MGAT4C: variants seen among roughly 807,000 people sequenced by gnomAD.
MGAT4C encodes the protein MGAT4 family member C, also known as alpha-1,3-mannosyl-glycoprotein 4-beta-N-acetylglucosaminyltransferase C.
MGAT4C carries 19 observed loss-of-function variants against 40.1 expected under a neutral mutation model. That is an observed-to-expected ratio of 0.47 (90% CI 0.33 to 0.70). MGAT4C has a LOEUF of 0.70. Ranked by LOEUF, MGAT4C falls within the 30% of genes least tolerant of loss-of-function variation. The pLI, the probability that MGAT4C is intolerant of heterozygous loss-of-function variation, is 0.02. For missense variants in MGAT4C, 491 were observed against 563.2 expected (o/e 0.87, Z 1.30); for synonymous variants, 181 against 187.1 (o/e 0.97, Z 0.27).
intron 1 of MGAT4C, among the ~76,000 whole-genome samples, chr12:86,178,994 C>T (rs1431325683): frequency 1.3e-5 from 2 of 152,184 alleles, no homozygotes; most frequent in Admixed American, 6.5e-5. Flanking sequence ...ATACTATTCA[C>T]ATTTTCAGAT....
intron 2 of MGAT4C, among the ~76,000 whole-genome samples, chr12:86,625,064 A>G (rs1962759627): frequency 6.6e-6 from 1 of 151,884 alleles, no homozygotes. Flanking sequence ...AGCTAATTAT[A>G]AAGGGCTCTT....
chr12:86,138,292 T>C (rs887900443), intron 1 of MGAT4C, among the ~76,000 whole-genome samples: 2 of 151,418 alleles, frequency 1.3e-5, no homozygotes, highest in Admixed American at 6.6e-5. Context: ...CCCATACCTA[T>C]GACTAATGTT....
At chr12:86,191,690 C>A (rs141188551) in intron 1 of MGAT4C, among the ~76,000 whole-genome samples, 26 of 137,712 alleles carry the variant, frequency 1.9e-4, no homozygotes, top group South Asian at 1.8e-3. Context: ...TCTCCTGTAG[C>A]AAAATTCAGC....
In MGAT4C at chr12:86,527,117, T is replaced by C. The variant is rs545157188; in HGVS notation, c.-228-91852A>G. ...CATCTGGGTCCTTTGGTGGCAGCTG[T>C]TTCACCTGGCTGGATCTAGTGGCAC... is the stretch of plus-strand genomic sequence containing the variant. On this transcript the variant is annotated intron_variant, in intron 2 of 7. Coordinates refer to the MGAT4C transcript ENST00000548651. Among the ~76,000 whole-genome samples the C allele has an allele frequency of 2.6e-5, 4 of 152,326 alleles. No individual in the cohort carries two copies. In the East Asian group the frequency reaches 7.7e-4, roughly 29 times the overall value.
At chr12:86,464,194 G>A (rs1421731060) in intron 2 of MGAT4C, among the ~76,000 whole-genome samples, 1 of 152,076 alleles carries the variant, frequency 6.6e-6, no homozygotes, top group African/African-American at 2.4e-5. Flanking sequence ...AAAGTTTACT[G>A]GGTAATTTGG....
At chr12:86,770,581 G>A (rs1951615058) in intron 1 of MGAT4C, among the ~76,000 whole-genome samples, 1 of 151,982 alleles carries the variant, frequency 6.6e-6, no homozygotes, top group South Asian at 2.1e-4. Context: ...AAAAATAATT[G>A]TTGGCTGTGT....
At position 86,493,028 on chromosome 12, in the gene MGAT4C, C is replaced by CA. The variant is rs959651990; in HGVS notation, c.-228-57764dup. ...TCTCAAAAGAAGACATTTATGCAGC[C>CA]AAAAAACACATGAAAAAATGCTCAC... On this transcript the variant is annotated intron_variant, in intron 2 of 7. Coordinates refer to the MGAT4C transcript ENST00000548651. Among the ~76,000 whole-genome samples, 49 of 150,826 alleles carry CA rather than the reference C, an allele frequency of 3.2e-4. 1 individual carries two copies. The highest frequency in any genetic ancestry group is 1.2e-3 in the African/African-American group (48 of 40,364).
At chr12:86,802,223 T>A (rs1463770352) in intron 1 of MGAT4C, among the ~76,000 whole-genome samples, 1 of 151,952 alleles carries the variant, frequency 6.6e-6, no homozygotes, top group Admixed American at 6.6e-5. Flanking sequence ...TTTTTGTCAG[T>A]ACCTGGGTTA....
chr12:86,183,719 C>T (rs1216866442), intron 1 of MGAT4C, among the ~76,000 whole-genome samples: 2 of 152,168 alleles, frequency 1.3e-5, no homozygotes, highest in South Asian at 2.1e-4. Context: ...GGCCTTCTGA[C>T]TTACATACTG....
intron 1 of MGAT4C, among the ~76,000 whole-genome samples, chr12:86,144,649 T>C (rs1664649310): frequency 6.6e-6 from 1 of 152,208 alleles, no homozygotes; most frequent in Non-Finnish European, 1.5e-5. Flanking sequence ...ACAACTGTAA[T>C]GTGTAACATA....
intron 2 of MGAT4C, among the ~76,000 whole-genome samples, chr12:86,041,248 T>C (rs1012640633): frequency 5.9e-5 from 9 of 152,116 alleles, no homozygotes; most frequent in Non-Finnish European, 1.3e-4. Context: ...TTGTCCATCT[T>C]ATTTATTCTC....
intron 1 of MGAT4C, among the ~76,000 whole-genome samples, chr12:86,206,647 C>CCT (rs1298497050): frequency 6.6e-6 from 1 of 151,880 alleles, no homozygotes; most frequent in Non-Finnish European, 1.5e-5. Flanking sequence ...GCTCTCTCAC[C>CCT]CTCTCTCTCA....
intron 1 of MGAT4C, among the ~76,000 whole-genome samples, chr12:86,792,645 G>T (rs992901493): frequency 6.6e-6 from 1 of 152,072 alleles, no homozygotes; most frequent in Non-Finnish European, 1.5e-5. Flanking sequence ...TTAAAACCTG[G>T]TTGTGGCCGG....
intron 1 of MGAT4C, among the ~76,000 whole-genome samples, chr12:86,738,152 C>T (rs1951013849): frequency 6.6e-6 from 1 of 151,434 alleles, no homozygotes; most frequent in Admixed American, 6.6e-5. Context: ...ATTGCCTACT[C>T]CGCCTTTATA....
intron 2 of MGAT4C, among the ~76,000 whole-genome samples, chr12:86,579,142 A>G (rs1960677047): frequency 6.6e-6 from 1 of 151,570 alleles, no homozygotes; most frequent in African/African-American, 2.4e-5. Context: ...CGGAGAGTCT[A>G]TTTACATTCA....
intron 4 of MGAT4C, among the ~76,000 whole-genome samples, chr12:86,309,511 G>A (rs1468114023): frequency 6.6e-6 from 1 of 152,008 alleles, no homozygotes; most frequent in Admixed American, 6.6e-5. Context: ...CTTTAATCAG[G>A]AAGCCACTCC....
At position 86,795,164 on chromosome 12, in the gene MGAT4C, A is replaced by C. The variant is rs373470283; in HGVS notation, c.-262+43502T>G. Among the ~76,000 whole-genome samples the C allele has an allele frequency of 2.6e-4, 40 of 152,046 alleles. 1 individual carries two copies. The East Asian group carries it at 6.7e-3, about 26-fold the overall frequency. ...TGTTTTCCTTTATTACTAAAGACAA[A>C]ATTATTTTCTACTAGAAACTCTGCA... On this transcript the variant is annotated intron_variant, in intron 1 of 7. Transcript: ENST00000548651.
intron 1 of MGAT4C, among the ~76,000 whole-genome samples, chr12:86,112,399 T>C (rs1310840133): frequency 2.6e-5 from 4 of 151,600 alleles, no homozygotes; most frequent in South Asian, 4.1e-4. Context: ...ACAGAGACAG[T>C]TGGAAAATGC....
chr12:86,155,035 A>G (rs1393008788), intron 1 of MGAT4C, among the ~76,000 whole-genome samples: 1 of 152,074 alleles, frequency 6.6e-6, no homozygotes, highest in East Asian at 1.9e-4. Flanking sequence ...TTAAGTGGTC[A>G]GGGATGGCCT....
Sources: gnomAD v4.1 joint callset for allele counts (sites outside exome capture counted in the v4.1 genomes callset) on GRCh38, gnomAD v4.1.1 for gene constraint, MANE v1.5 for transcripts, NCBI Gene and HGNC (gene_info 2026-07-23, HGNC 2026-07-21) for gene names.